Variants in DAPK1 observed in about 807,000 individuals in gnomAD.
DAPK1 encodes the protein death-associated protein kinase 1.
DAPK1 carries 56 observed loss-of-function variants against 144.9 expected under a neutral mutation model. That is an observed-to-expected ratio of 0.39 (90% CI 0.31 to 0.48). The LOEUF (loss-of-function observed/expected upper bound fraction) is 0.48. Ranked by LOEUF, DAPK1 falls within the 20% of genes least tolerant of loss-of-function variation. The probability of loss-of-function intolerance (pLI) is 0.95; values close to 1 mark genes in which losing one functional copy is unlikely to be tolerated. For missense variants in DAPK1, 1,454 were observed against 1,875.4 expected (o/e 0.78, Z 4.15); for synonymous variants, 690 against 749.0 (o/e 0.92, Z 1.29).
At chr9:87,610,677 CA>C in intron 3 of DAPK1, among the ~76,000 whole-genome samples, 1 of 152,342 alleles carries the variant, frequency 6.6e-6, no homozygotes, top group Non-Finnish European at 1.5e-5. Context: ...GGTTGGCCTC[CA>C]TGAAGCCTCA....
intron 2 of DAPK1, among the ~76,000 whole-genome samples, chr9:87,525,031 AC>A (rs1319495039): frequency 2.6e-5 from 4 of 152,114 alleles, no homozygotes; most frequent in Non-Finnish European, 5.9e-5. Context: ...TTCCCCAATA[AC>A]CTATGGAGAT....
chr9:87,676,843 A>G (rs910397353), intron 19 of DAPK1, among the ~76,000 whole-genome samples: 4 of 152,148 alleles, frequency 2.6e-5, no homozygotes, highest in African/African-American at 9.7e-5. Context: ...TTCACCTTCA[A>G]TGTGCACATC....
chr9:87,701,738 TAA>T, intron 24 of DAPK1: 1 of 278,940 alleles, frequency 3.6e-6, no homozygotes, highest in Non-Finnish European at 7.7e-6. Context: ...TTTTTTTTTT[TAA>T]CTGCTTTGCT....
Position 87,696,988 on chromosome 9 carries a change from C to G in DAPK1, c.2414-19C>G. On this transcript the variant is annotated intron_variant, in intron 21 of 25. Coordinates refer to ENST00000408954, the MANE Select transcript of DAPK1 (RefSeq NM_004938.4). Reference sequence around the variant, plus strand: ...GTTAGTGGTGTTTCACGATTGTTATCATTTTTCTTTTTCTGTAGGAGTTGG... The same window carrying G: ...GTTAGTGGTGTTTCACGATTGTTATGATTTTTCTTTTTCTGTAGGAGTTGG... 1.5e-6 allele frequency: 2 copies of G among 1,314,004 alleles called. No homozygotes were observed. The highest frequency in any genetic ancestry group is 2.2e-6 in the Non-Finnish European group (2 of 905,974). The allele number at this position is 1,314,004 out of a possible 1,614,324, so 81.4% of individuals were successfully genotyped here. A position where few individuals can be genotyped will look rare whatever the true frequency, so the allele number is the denominator to read the frequency against.
chr9:87,704,111 C>T (rs139965631), intron 25 of DAPK1, among the ~76,000 whole-genome samples: 117 of 152,244 alleles, frequency 7.7e-4, no homozygotes, highest in African/African-American at 2.5e-3. Flanking sequence ...CTGGAGTCGC[C>T]GGGCAGTAAT....
At chr9:87,602,386 C>T (rs1828554858) in intron 2 of DAPK1, among the ~76,000 whole-genome samples, 1 of 152,152 alleles carries the variant, frequency 6.6e-6, no homozygotes, top group African/African-American at 2.4e-5. Flanking sequence ...AGTCCATTCC[C>T]CAGGTTTTGC....
chr9:87,611,251 T>C (rs1001136256), intron 3 of DAPK1, among the ~76,000 whole-genome samples: 51 of 152,350 alleles, frequency 3.3e-4, no homozygotes, highest in African/African-American at 1.2e-3. Context: ...GTTTGACTAT[T>C]TGACAGGCTT....
At chr9:87,701,900 G>C (rs547480588) in intron 24 of DAPK1, 42 of 470,094 alleles carry the variant, frequency 8.9e-5, no homozygotes, top group South Asian at 5.9e-4. Context: ...CAGAAGATAG[G>C]GGGTAGTCCG....
intron 18 of DAPK1, among the ~76,000 whole-genome samples, chr9:87,663,068 C>T (rs1366952046): frequency 6.6e-6 from 1 of 151,976 alleles, no homozygotes; most frequent in Non-Finnish European, 1.5e-5. Flanking sequence ...ACCACCAGCG[C>T]CCCCTGCTGC....
At chr9:87,651,866 CTCCCACCTG>C (rs1830455231) in intron 17 of DAPK1, 142 bp downstream of exon 17, 2 of 650,960 alleles carry the variant, frequency 3.1e-6, no homozygotes, top group African/African-American at 3.7e-5. Flanking sequence ...ATTCTGTGTC[CTCCCACCTG>C]ATCCCGGGTC....
chr9:87,622,054 CTTT>C (rs11347503), intron 3 of DAPK1, among the ~76,000 whole-genome samples: 3 of 146,350 alleles, frequency 2.0e-5, no homozygotes, highest in Non-Finnish European at 3.0e-5. Context: ...CTGCCTTGCA[CTTT>C]TTTTTTTTTT....
At chr9:87,632,663 G>A (rs1274235717) in intron 3 of DAPK1, 2 of 982,468 alleles carry the variant, frequency 2.0e-6, no homozygotes, top group African/African-American at 3.5e-5. Flanking sequence ...TACCTGTGTA[G>A]AAATGAAGGA....
chr9:87,536,940 A>G (rs1343245658), intron 2 of DAPK1, among the ~76,000 whole-genome samples: 1 of 151,900 alleles, frequency 6.6e-6, no homozygotes, highest in Non-Finnish European at 1.5e-5. Context: ...TAGTTGTTTT[A>G]GATTAAATTT....
chr9:87,580,084 T>A (rs10435953), intron 2 of DAPK1, among the ~76,000 whole-genome samples: 45,708 of 151,920 alleles, frequency 0.3, 7,195 homozygotes, highest in Middle Eastern at 0.41. Flanking sequence ...CATGTAATAA[T>A]CATGTCATTA....
At chr9:87,640,187 T>G (rs1830046701) in intron 7 of DAPK1, 111 bp from the exon 8 acceptor site, 1 of 1,088,734 alleles carries the variant, frequency 9.2e-7, no homozygotes, top group South Asian at 1.6e-5. Flanking sequence ...AAACTGTGAC[T>G]ATTCGAGCAC....
chr9:87,611,539 G>T (rs1293618032), intron 3 of DAPK1, among the ~76,000 whole-genome samples: 1 of 152,168 alleles, frequency 6.6e-6, no homozygotes, highest in African/African-American at 2.4e-5. Flanking sequence ...GCTCACTGCA[G>T]CCTTGAACTC....
chr9:87,544,309 C>G (rs1826159032), intron 2 of DAPK1, among the ~76,000 whole-genome samples: 1 of 152,166 alleles, frequency 6.6e-6, no homozygotes, highest in Non-Finnish European at 1.5e-5. Context: ...AGAAAAATCA[C>G]CCATAACTCC....
chr9:87,573,907 C>G (rs891963501), intron 2 of DAPK1, among the ~76,000 whole-genome samples: 9 of 152,148 alleles, frequency 5.9e-5, no homozygotes, highest in Admixed American at 2.0e-4. Flanking sequence ...GACAGAAAAC[C>G]TCAAATAATA....
In DAPK1 at chr9:87,568,357, A is replaced by G. The variant is rs1827208015; in HGVS notation, c.63-36597A>G. 2.0e-5 allele frequency among the ~76,000 whole-genome samples: 3 copies of G among 152,254 alleles called. No individual in the cohort carries two copies. In the South Asian group the frequency reaches 6.2e-4, roughly 31 times the overall value. On this transcript the variant is annotated intron_variant, in intron 2 of 25. Coordinates refer to ENST00000408954, the MANE Select transcript of DAPK1 (RefSeq NM_004938.4). ...CACTGTGCCCATTGCTCTGGATCAA[A>G]CAGACACCATCCCACACAACACTCC...
Sources: gnomAD v4.1 joint callset for allele counts (sites outside exome capture counted in the v4.1 genomes callset) on GRCh38, gnomAD v4.1.1 for gene constraint, MANE v1.5 for transcripts, NCBI Gene and HGNC (gene_info 2026-07-23, HGNC 2026-07-21) for gene names.